KIF5A: variants seen among roughly 807,000 people sequenced by gnomAD.
The protein encoded by KIF5A is kinesin family member 5A.
Under a neutral mutation model 141.3 loss-of-function variants are expected in KIF5A, and 35 were observed. That is an observed-to-expected ratio of 0.25 (90% CI 0.19 to 0.33). The LOEUF (loss-of-function observed/expected upper bound fraction) is 0.33, where lower values mean the gene tolerates loss of function less well. KIF5A is among the 10% of genes least tolerant of loss of function. The pLI is 1.00. For synonymous variants in KIF5A, 448 were observed against 500.2 expected, an observed-to-expected ratio of 0.90 and a Z score of 1.39; for missense variants, 861 against 1,314.3, an observed-to-expected ratio of 0.66 and a Z score of 5.33.
At position 57,569,228 on chromosome 12, in the gene KIF5A, C is replaced by T. The variant is rs576630455; in HGVS notation, c.820-28C>T. On this transcript the variant is annotated intron_variant, in intron 9 of 28. Transcript: ENST00000455537. ...CCTGTTGAATTTTATTTGTTTATTTCTGATTCCTGGTCTCCTTCCTCCCCC... is the reference window on the plus strand; with the variant it reads ...CCTGTTGAATTTTATTTGTTTATTTTTGATTCCTGGTCTCCTTCCTCCCCC... 8.7e-6 allele frequency: 14 copies of T among 1,613,478 alleles called. No homozygotes were observed. The African/African-American group carries it at 1.2e-4, about 14-fold the overall frequency.
chr12:57,579,633 A>G (rs568536684), intron 23 of KIF5A, among the ~76,000 whole-genome samples: 31 of 152,316 alleles, frequency 2.0e-4, no homozygotes, highest in African/African-American at 7.2e-4. Flanking sequence ...TAACAAAATT[A>G]TAGAAAAGTT....
At chr12:57,581,758 G>T in intron 25 of KIF5A, 112 bp from the exon 26 acceptor site, 1 of 1,241,558 alleles carries the variant, frequency 8.1e-7, no homozygotes. Context: ...TCTGCTCTCT[G>T]GGGATGGGGA....
At chr12:57,568,166 C>T (rs112079540) in intron 8 of KIF5A, among the ~76,000 whole-genome samples, 3,927 of 152,224 alleles carry the variant, frequency 0.026, 167 homozygotes, top group African/African-American at 0.085. Flanking sequence ...CAGGCATGAG[C>T]CACTGTGCCC....
chr12:57,576,753 C>G lies in KIF5A; in HGVS notation c.2199-8C>G, dbSNP rs762234885. The G allele has an allele frequency of 6.2e-7, 1 of 1,603,038 alleles. No individual in the cohort carries two copies. Among genetic ancestry groups the G allele is most frequent in the Non-Finnish European group, 8.5e-7 (1 of 1,170,256 alleles). On this transcript the variant is annotated splice_polypyrimidine_tract_variant and splice_region_variant and intron_variant, in intron 19 of 28. Transcript: ENST00000455537. The stretch of plus-strand genomic sequence containing the variant: ...CCCCCATCTCCATTACCTTCTGATG[C>G]TCTGTAGCCTAAATCAGAAGCTCCA...
rs1882478048 is a variant in KIF5A, at chr12:57,578,001, C to A, written c.2362-8C>A. ...TGGCTATTCCCAATTTTTCATCATT[C>A]TTTCCAGGCCCGGGAACTCCAGACC... is the stretch of plus-strand genomic sequence containing the variant. On this transcript the variant is annotated splice_polypyrimidine_tract_variant and splice_region_variant and intron_variant, in intron 21 of 28. Coordinates refer to ENST00000455537, the MANE Select transcript of KIF5A (RefSeq NM_004984.4). The A allele has an allele frequency of 1.9e-6, 3 of 1,613,178 alleles. No homozygotes were observed. The highest frequency in any genetic ancestry group is 2.5e-6 in the Non-Finnish European group (3 of 1,179,056).
intron 1 of KIF5A, among the ~76,000 whole-genome samples, chr12:57,554,016 T>C (rs554118536): frequency 6.6e-6 from 1 of 152,114 alleles, no homozygotes; most frequent in East Asian, 1.9e-4. Flanking sequence ...AAAATGGGAT[T>C]GAGGTTGGAA....
In KIF5A at chr12:57,569,607, G is replaced by A. The variant is rs1882181162; in HGVS notation, c.1041G>A (p.Glu347=). The stretch of plus-strand genomic sequence containing the variant: ...CTGAGCAGTGGAAGAAGAAATATGA[G>A]AAGGAGAAGGAGAAGACAAAGGCCC... The part of the protein sequence containing the change: ...LTAEQWKKKY[E]KEKEKTKAQK... Residue 347 remains glutamate (E), a synonymous_variant, in exon 11 of 29, where the codon GAG becomes GAA. Transcript: ENST00000455537. 1 of 1,614,142 alleles carries A rather than the reference G, an allele frequency of 6.2e-7. No homozygotes were observed. The highest frequency in any genetic ancestry group is 8.5e-7 in the Non-Finnish European group (1 of 1,180,030).
At chr12:57,576,552 C>T (rs1024178967) in intron 19 of KIF5A, among the ~76,000 whole-genome samples, 174 bp downstream of exon 19, 1 of 152,184 alleles carries the variant, frequency 6.6e-6, no homozygotes, top group South Asian at 2.1e-4. Context: ...TAGTCCCTAT[C>T]CTTGAGGGTC....
At chr12:57,563,947 A>G (rs551838569) in intron 3 of KIF5A, among the ~76,000 whole-genome samples, 161 bp from the exon 4 acceptor site, 1 of 152,280 alleles carries the variant, frequency 6.6e-6, no homozygotes, top group African/African-American at 2.4e-5. Flanking sequence ...GGGCTACTCA[A>G]TTATCTCCTT....
rs1320583318 is a variant in KIF5A at position 57,569,562 on chromosome 12, A to G, written c.996A>G (p.Ser332=). ...CAAAGACCATTAAGAACACTGCCTC[A>G]GTAAATTTGGAGTTGACTGCTGAGC... The part of the protein sequence containing the change: ...QRAKTIKNTA[S]VNLELTAEQW... The change falls in exon 11 of 29, where the codon TCA becomes TCG. Residue 332 remains serine, a synonymous_variant. Transcript: ENST00000455537. 6.2e-6 allele frequency: 10 copies of G among 1,614,014 alleles called. No individual in the cohort carries two copies. The highest frequency in any genetic ancestry group is 2.2e-5 in the East Asian group (1 of 44,888).
intron 8 of KIF5A, among the ~76,000 whole-genome samples, chr12:57,568,692 T>C (rs1882146996): frequency 6.7e-6 from 1 of 149,784 alleles, no homozygotes; most frequent in Admixed American, 6.7e-5. Flanking sequence ...ACCATTGCAC[T>C]CCAGCCTGCG....
At chr12:57,581,288 C>T (rs1882590124) in intron 24 of KIF5A, 116 bp downstream of exon 24, 2 of 1,506,524 alleles carry the variant, frequency 1.3e-6, no homozygotes, top group African/African-American at 1.4e-5. Context: ...CATCCCACTT[C>T]CCCCCAAAAA....
chr12:57,574,992 T>G, intron 15 of KIF5A, 92 bp from the exon 16 acceptor site: 5 of 1,119,184 alleles, frequency 4.5e-6, no homozygotes, highest in Non-Finnish European at 6.8e-6. Context: ...TCCCTGCGTA[T>G]GTGGGTGTGT....
At chr12:57,571,540 C>T in intron 13 of KIF5A, 151 bp downstream of exon 13, 1 of 716,780 alleles carries the variant, frequency 1.4e-6, no homozygotes, top group Non-Finnish European at 2.4e-6. Flanking sequence ...GGGAACCTCA[C>T]TGGGGCTTTT....
chr12:57,572,238 C>T lies in KIF5A; in HGVS notation c.1540C>T (p.Leu514Phe). The change falls in exon 14 of 29, where the codon CTT becomes TTT. Residue 514 changes from leucine to phenylalanine, a missense_variant. Physicochemically the swap from Leu to Phe is conservative, Grantham distance 22. This residue lies in a region of KIF5A where 482 missense variants were observed against 661.3 expected (regional missense o/e 0.73). Coordinates refer to ENST00000455537, the MANE Select transcript of KIF5A (RefSeq NM_004984.4). The surrounding 1 kb of genome is among the most constrained non-coding windows in gnomAD (Gnocchi z 4.2). ...EVEEKSQQNQLLVDELSQKVA... is the reference protein window; with the variant it reads ...EVEEKSQQNQFLVDELSQKVA... ...GGAGGAGAAGAGCCAGCAGAACCAG[C>T]TTCTGGTGGATGAGCTGTCTCAGAA... The T allele has an allele frequency of 6.2e-7, 1 of 1,605,322 alleles. No individual in the cohort carries two copies. Among genetic ancestry groups the T allele is most frequent in the Non-Finnish European group, 8.5e-7 (1 of 1,175,738 alleles).
intron 1 of KIF5A, 74 bp from the exon 2 acceptor site, chr12:57,563,365 G>A: frequency 2.7e-6 from 3 of 1,095,414 alleles, no homozygotes; most frequent in Admixed American, 3.5e-5. Context: ...CTCAGCTGCT[G>A]GAAGGAGGTT....
At position 57,567,216 on chromosome 12, in the gene KIF5A, G is replaced by C; in HGVS notation, c.589+3G>C. ...AAATCGTCATGTGGCTGTCACCAGT[G>C]AGTGAGGATACAAGGGGATCTCTCG... On this transcript the variant is annotated splice_donor_region_variant and intron_variant, in intron 7 of 28. Transcript: ENST00000455537. 2 of 1,605,478 alleles carry C rather than the reference G, an allele frequency of 1.2e-6. No individual in the cohort carries two copies. The highest frequency in any genetic ancestry group is 1.7e-6 in the Non-Finnish European group (2 of 1,172,428).
chr12:57,553,893 C>T (rs184706209), intron 1 of KIF5A, among the ~76,000 whole-genome samples: 1 of 152,070 alleles, frequency 6.6e-6, no homozygotes, highest in East Asian at 1.9e-4. Context: ...GATTGGATTT[C>T]GGCGACATTT....
In KIF5A at chr12:57,578,287, A is replaced by G; in HGVS notation, c.2483A>G (p.Gln828Arg). 1.2e-6 allele frequency: 2 copies of G among 1,614,118 alleles called. No individual in the cohort carries two copies. Among genetic ancestry groups the G allele is most frequent in the Non-Finnish European group, 1.7e-6 (2 of 1,179,990 alleles). ...EDSGGIHSQK[Q>R]KISFLENNLE... Reference sequence around the variant, plus strand: ...AGTGGGGGGATTCACTCCCAAAAGCAGAAGATTTCCTTTCTTGAGAACAAC... The same window carrying G: ...AGTGGGGGGATTCACTCCCAAAAGCGGAAGATTTCCTTTCTTGAGAACAAC... The change falls in exon 23 of 29, where the codon CAG becomes CGG. Residue 828 changes from glutamine (Q) to arginine (R), a missense_variant. Around this residue, in one of 5 missense-constraint regions of KIF5A, gnomAD observed 482 missense variants for 661.3 expected, o/e 0.73. Coordinates refer to ENST00000455537, the MANE Select transcript of KIF5A (RefSeq NM_004984.4).
Sources: allele counts gnomAD v4.1 joint callset (sites outside exome capture counted in the v4.1 genomes callset), GRCh38; gene constraint gnomAD v4.1.1; regional missense constraint gnomAD v4.1.1; non-coding constraint Gnocchi (gnomAD v3.1); transcripts MANE v1.5; gene names NCBI Gene and HGNC (gene_info 2026-07-23, HGNC 2026-07-21).